Variants in DCST1 observed in about 807,000 individuals in gnomAD.
DCST1 encodes DC-STAMP domain containing 1, also known as E3 ubiquitin-protein ligase DCST1.
A neutral mutation model predicts 89.1 loss-of-function variants in DCST1; 78 were observed. The observed-to-expected ratio is 0.88, with a 90% confidence interval of 0.73 to 1.06. The LOEUF is 1.06. Ranked by LOEUF, DCST1 falls within the 50% of genes least tolerant of loss-of-function variation. DCST1 has a pLI of 0.00. For missense variants in DCST1, 900 were observed against 928.6 expected, an observed-to-expected ratio of 0.97 and a Z score of 0.40; for synonymous variants, 364 against 371.9, an observed-to-expected ratio of 0.98 and a Z score of 0.24.
chr1:155,050,494 A>T, intron 16 of DCST1, 123 bp from the exon 17 acceptor site: 1 of 1,368,062 alleles, frequency 7.3e-7, no homozygotes, highest in East Asian at 2.5e-5. Context: ...TCCTTTGTCC[A>T]ACCCAGCCTC....
rs1181418142 is a variant in DCST1, at chr1:155,050,632, G to A, written c.1885G>A (p.Asp629Asn). 2 of 1,586,262 alleles carry A rather than the reference G, an allele frequency of 1.3e-6. No homozygotes were observed. The highest frequency in any genetic ancestry group is 1.7e-6 in the Non-Finnish European group (2 of 1,169,286). The change falls in exon 17 of 17, where the codon GAT becomes AAT. Residue 629 changes from aspartate to asparagine, a missense_variant. Transcript: ENST00000295542. ...CTCCCAACAGCGCCACCCGCTGGCGGATATCCTGCACCGCGGCTGCCCGCT... is the reference window on the plus strand; with the variant it reads ...CTCCCAACAGCGCCACCCGCTGGCGAATATCCTGCACCGCGGCTGCCCGCT... ...QQKAPRHPLA[D>N]ILHRGCPLLR...
At chr1:155,039,984 C>A (rs1243425402) in intron 5 of DCST1, among the ~76,000 whole-genome samples, 1 of 119,080 alleles carries the variant, frequency 8.4e-6, no homozygotes, top group Non-Finnish European at 1.7e-5. Context: ...GAGCAAGACT[C>A]CGTCTCAAAA....
chr1:155,038,795 A>G (rs1298370548), intron 4 of DCST1, among the ~76,000 whole-genome samples: 1 of 152,166 alleles, frequency 6.6e-6, no homozygotes, highest in Non-Finnish European at 1.5e-5. Flanking sequence ...CACTTAGCAC[A>G]TCGTGTTGTA....
At chr1:155,037,802 T>G (rs1660319504) in intron 4 of DCST1, among the ~76,000 whole-genome samples, 1 of 152,218 alleles carries the variant, frequency 6.6e-6, no homozygotes, top group Non-Finnish European at 1.5e-5. Flanking sequence ...TTTGCTGTTT[T>G]GGTGAGCCCA....
Position 155,043,366 on chromosome 1 carries a change from T to G in DCST1, c.1029T>G (p.Ala343=). The change falls in exon 10 of 17, where the codon GCT becomes GCG. Residue 343 remains alanine (A), a synonymous_variant. Transcript: ENST00000295542. The part of the protein sequence containing the change: ...ANIDFKEEKQ[A]GVLGLNTSWE... ...CCCTCCACCAGGAAGAGAAGCAGGC[T>G]GGGGTGCTGGGGCTCAACACAAGCT... is the stretch of plus-strand genomic sequence containing the variant. The G allele has an allele frequency of 6.2e-7, 1 of 1,614,014 alleles. No homozygotes were observed. The highest frequency in any genetic ancestry group is 1.1e-5 in the South Asian group (1 of 91,082).
At chr1:155,035,991 G>A (rs1047333935) in intron 4 of DCST1, among the ~76,000 whole-genome samples, 2 of 143,912 alleles carry the variant, frequency 1.4e-5, no homozygotes, top group Admixed American at 1.4e-4. Context: ...TGGGCTGTGC[G>A]ATTTGAGGCC....
intron 7 of DCST1, 28 bp from the exon 8 acceptor site, chr1:155,041,686 C>A (rs769775066): frequency 6.2e-7 from 1 of 1,614,134 alleles, no homozygotes; most frequent in Non-Finnish European, 8.5e-7. Context: ...GATGTGGGAA[C>A]CTCAGACACC....
chr1:155,047,064 A>G lies in DCST1; in HGVS notation c.1496-132A>G. Reference sequence around the variant, plus strand: ...TGGGAGCAGGGAGGGGTTAGGATTCAGGAAGGGACAGAAAGACTCAGGCAG... The same window carrying G: ...TGGGAGCAGGGAGGGGTTAGGATTCGGGAAGGGACAGAAAGACTCAGGCAG... On this transcript the variant is annotated intron_variant, in intron 13 of 16. Coordinates refer to ENST00000295542, the MANE Select transcript of DCST1 (RefSeq NM_152494.4). 17 of 797,320 alleles carry G rather than the reference A, an allele frequency of 2.1e-5. 1 individual carries two copies. In the South Asian group the frequency reaches 2.4e-4, roughly 11 times the overall value. The allele number at this position is 797,320 out of a possible 1,614,324, so 49.4% of individuals were successfully genotyped here.
At chr1:155,042,695 A>G in intron 8 of DCST1, 40 bp from the exon 9 acceptor site, 1 of 1,613,160 alleles carries the variant, frequency 6.2e-7, no homozygotes, top group Non-Finnish European at 8.5e-7. Context: ...CCTGGAGGAC[A>G]GGCCCGGGGA....
intron 10 of DCST1, chr1:155,045,651 C>T (rs1362260127): frequency 3.7e-6 from 2 of 537,114 alleles, no homozygotes; most frequent in Non-Finnish European, 6.7e-6. Context: ...CACCTCATCC[C>T]CTACTCACTT....
intron 10 of DCST1, 75 bp downstream of exon 10, chr1:155,043,584 G>A: frequency 6.8e-7 from 1 of 1,473,862 alleles, no homozygotes; most frequent in East Asian, 2.4e-5. Context: ...AGGCTGTAAG[G>A]ATGGAACCCT....
Position 155,050,698 on chromosome 1 carries a change from G to A in DCST1, c.1951G>A (p.Ala651Thr). The A allele has an allele frequency of 6.2e-7, 1 of 1,606,084 alleles. No homozygotes were observed. The highest frequency in any genetic ancestry group is 8.5e-7 in the Non-Finnish European group (1 of 1,177,402). The change falls in exon 17 of 17, where the codon GCA (alanine) becomes ACA (threonine). Residue 651 changes from alanine to threonine, a missense_variant. Ala to Thr is a moderately conservative substitution (Grantham distance 58). Transcript: ENST00000295542. Reference sequence around the variant, plus strand: ...GTGCCGGCGCTGCGTGGTGTGCCAGGCACCCGAGACGCCCGAGTCCTACGT... The same window carrying A: ...GTGCCGGCGCTGCGTGGTGTGCCAGACACCCGAGACGCCCGAGTCCTACGT... Reference protein sequence around the residue: ...WLCRRCVVCQAPETPESYVCR... With the variant: ...WLCRRCVVCQTPETPESYVCR...
intron 8 of DCST1, 106 bp from the exon 9 acceptor site, chr1:155,042,629 G>A (rs1302972480): frequency 4.0e-6 from 6 of 1,503,452 alleles, no homozygotes; most frequent in Non-Finnish European, 5.5e-6. Context: ...CATGGGCAGA[G>A]AGACAAAAAA....
At chr1:155,034,382 G>GC (rs1660201354) in intron 2 of DCST1, 53 bp from the exon 3 acceptor site, 1 of 1,612,642 alleles carries the variant, frequency 6.2e-7, no homozygotes. Context: ...ATCCTAATGA[G>GC]CCCCATCCCA....
intron 8 of DCST1, 41 bp from the exon 9 acceptor site, chr1:155,042,694 C>T: frequency 1.2e-6 from 2 of 1,612,862 alleles, no homozygotes; most frequent in Non-Finnish European, 1.7e-6. Context: ...ACCTGGAGGA[C>T]AGGCCCGGGG....
At position 155,049,043 on chromosome 1, in the gene DCST1, A is replaced by C. The variant is rs1200016245; in HGVS notation, c.1869+873A>C. The C allele has an allele frequency of 4.2e-6, 3 of 717,336 alleles. No individual in the cohort carries two copies. The Admixed American group carries it at 6.0e-5, about 14-fold the overall frequency. The allele number at this position is 717,336 out of a possible 1,614,324, so 44.4% of individuals were successfully genotyped here. ...CCTCTGAAGAATGGCAAGACTGGAG[A>C]GATCTGTAAGGCCTGCTCACTGGAG... is the stretch of plus-strand genomic sequence containing the variant. On this transcript the variant is annotated intron_variant, in intron 16 of 16. Transcript: ENST00000295542.
intron 8 of DCST1, 110 bp from the exon 9 acceptor site, chr1:155,042,625 C>T: frequency 6.8e-7 from 1 of 1,467,004 alleles, no homozygotes; most frequent in Non-Finnish European, 9.4e-7. Context: ...AAGCCATGGG[C>T]AGAGAGACAA....
In DCST1 at chr1:155,043,971, C is replaced by A. The variant is rs1182567925; in HGVS notation, c.1172+462C>A. Among the ~76,000 whole-genome samples the A allele has an allele frequency of 2.0e-5, 3 of 152,220 alleles. No homozygotes were observed. The East Asian group carries it at 5.8e-4, about 29-fold the overall frequency. On this transcript the variant is annotated intron_variant, in intron 10 of 16. Coordinates refer to ENST00000295542, the MANE Select transcript of DCST1 (RefSeq NM_152494.4). ...TCCAGCTGGGCTGCCCCGGGCCTTG[C>A]TCTGCTCTAGCTCCCCTGCTGGTCT...
At chr1:155,036,502 C>A (rs1660281813) in intron 4 of DCST1, among the ~76,000 whole-genome samples, 1 of 152,234 alleles carries the variant, frequency 6.6e-6, no homozygotes, top group African/African-American at 2.4e-5. Context: ...ATCCCTTGCG[C>A]CCCCAGCTCA....
Sources: gnomAD v4.1 joint callset for allele counts (sites outside exome capture counted in the v4.1 genomes callset) on GRCh38, gnomAD v4.1.1 for gene constraint, MANE v1.5 for transcripts, NCBI Gene and HGNC (gene_info 2026-07-23, HGNC 2026-07-21) for gene names.